Variants in PTPRG observed in about 807,000 individuals in gnomAD.
PTPRG encodes the protein receptor-type tyrosine-protein phosphatase gamma.
Under a neutral mutation model 165.3 loss-of-function variants are expected in PTPRG, and 102 were observed. The observed-to-expected ratio is 0.62, with a 90% CI of 0.53 to 0.73. PTPRG has a LOEUF of 0.73. PTPRG is among the 30% of genes least tolerant of loss of function. The pLI is 0.00. For synonymous variants in PTPRG, 675 were observed against 669.5 expected (o/e 1.01, Z -0.13); for missense variants, 1,866 against 1,861.4 (o/e 1.00, Z -0.05).
At chr3:61,742,467 C>T (rs1166377993) in intron 1 of PTPRG, 4 of 1,574,658 alleles carry the variant, frequency 2.5e-6, no homozygotes, top group Non-Finnish European at 2.6e-6. Flanking sequence ...AATATAGGCG[C>T]TGGGGCTTGC....
In PTPRG at chr3:61,946,941, C is replaced by T. The variant is rs189647425; in HGVS notation, c.191-42684C>T. ...GACATGGTATGATGAGAAATGACAG[C>T]TCTTATTAAAAGGAAGAGTGTTCTG... On this transcript the variant is annotated intron_variant, in intron 2 of 29. Coordinates refer to ENST00000474889, the MANE Select transcript of PTPRG (RefSeq NM_002841.4). 9.9e-5 allele frequency among the ~76,000 whole-genome samples: 15 copies of T among 152,238 alleles called. No individual in the cohort carries two copies. The East Asian group carries it at 2.3e-3, about 24-fold the overall frequency.
At chr3:61,598,748 T>C (rs1347241443) in intron 1 of PTPRG, among the ~76,000 whole-genome samples, 3 of 152,016 alleles carry the variant, frequency 2.0e-5, no homozygotes, top group Non-Finnish European at 4.4e-5. Flanking sequence ...AATCTGAGAG[T>C]GTAGGCAGAG....
chr3:61,894,301 C>CCAAAAAAAAAA (rs2038292380), intron 2 of PTPRG, among the ~76,000 whole-genome samples: 1 of 49,838 alleles, frequency 2.0e-5, no homozygotes, highest in Non-Finnish European at 3.6e-5. Flanking sequence ...GACTCTGTGT[C>CCAAAAAAAAAA]AAAAAAAAAA....
intron 2 of PTPRG, among the ~76,000 whole-genome samples, chr3:61,761,586 G>GAAACAAACAAAC (rs58659958): frequency 2.6e-5 from 4 of 151,016 alleles, no homozygotes; most frequent in African/African-American, 4.9e-5. Flanking sequence ...TCAAAACAAA[G>GAAACAAACAAAC]AAACAAACAA....
At chr3:61,696,794 C>T (rs1200293645) in intron 1 of PTPRG, among the ~76,000 whole-genome samples, 3 of 152,168 alleles carry the variant, frequency 2.0e-5, no homozygotes, top group Non-Finnish European at 4.4e-5. Flanking sequence ...GCTATGATAA[C>T]TTACCATACG....
intron 4 of PTPRG, among the ~76,000 whole-genome samples, chr3:62,044,487 T>A (rs1279452088): frequency 6.6e-6 from 1 of 151,582 alleles, no homozygotes; most frequent in Non-Finnish European, 1.5e-5. Flanking sequence ...TGCAGTTAGC[T>A]GAGATCATGC....
At chr3:62,166,248 C>T (rs567270480) in intron 7 of PTPRG, among the ~76,000 whole-genome samples, 8 of 99,426 alleles carry the variant, frequency 8.0e-5, no homozygotes, top group African/African-American at 2.7e-4. Flanking sequence ...ACAAGAATAA[C>T]TTTGTGGCCT....
chr3:62,063,140 G>A (rs1243155873), intron 4 of PTPRG, among the ~76,000 whole-genome samples: 2 of 152,166 alleles, frequency 1.3e-5, no homozygotes, highest in African/African-American at 4.8e-5. Flanking sequence ...CCTGATCTTA[G>A]CACCCGATGA....
chr3:61,863,605 A>G (rs889458825), intron 2 of PTPRG, among the ~76,000 whole-genome samples: 4 of 152,106 alleles, frequency 2.6e-5, no homozygotes, highest in Admixed American at 2.6e-4. Flanking sequence ...CTTATTTGCT[A>G]TGCAAAGCAA....
At chr3:62,101,827 A>T (rs1702298103) in intron 5 of PTPRG, among the ~76,000 whole-genome samples, 1 of 152,250 alleles carries the variant, frequency 6.6e-6, no homozygotes, top group South Asian at 2.1e-4. Flanking sequence ...CTTATTTCCA[A>T]AGTCTTCAAA....
intron 2 of PTPRG, among the ~76,000 whole-genome samples, chr3:61,872,551 G>T (rs768284024): frequency 1.3e-5 from 2 of 152,170 alleles, no homozygotes; most frequent in South Asian, 2.1e-4. Flanking sequence ...AATAAGATGA[G>T]ATAGGTAGTG....
chr3:62,286,452 CAAT>C (rs1702663801), intron 28 of PTPRG, among the ~76,000 whole-genome samples: 1 of 151,574 alleles, frequency 6.6e-6, no homozygotes, highest in African/African-American at 2.4e-5. Context: ...TTAAAAGCTA[CAAT>C]AATAAGTAAA....
intron 2 of PTPRG, among the ~76,000 whole-genome samples, chr3:61,920,321 TGTACATGAATGAGCA>T (rs1252242708): frequency 0.011 from 1,621 of 152,374 alleles, 34 homozygotes; most frequent in South Asian, 0.092. Context: ...TGTCATAGTT[TGTACATGAATGAGCA>T]TCTACTGAGT....
chr3:61,721,066 A>C (rs1354300289), intron 1 of PTPRG, among the ~76,000 whole-genome samples: 1 of 152,162 alleles, frequency 6.6e-6, no homozygotes, highest in Non-Finnish European at 1.5e-5. Context: ...CTTGCCTTTC[A>C]ACTGCATTGT....
rs191712239 is a variant in PTPRG at position 61,945,650 on chromosome 3, G to C, written c.191-43975G>C. Among the ~76,000 whole-genome samples the C allele has an allele frequency of 1.3e-3, 190 of 151,034 alleles. 1 individual carries two copies. The highest frequency in any genetic ancestry group is 2.6e-4 in the Non-Finnish European group (18 of 67,934). On this transcript the variant is annotated intron_variant, in intron 2 of 29. Coordinates refer to ENST00000474889, the MANE Select transcript of PTPRG (RefSeq NM_002841.4). ...GAGTGAACTCATCTGAGCCAGAAAGGATACATCTACAAATTTTTCTGGGAG... is the reference window on the plus strand; with the variant it reads ...GAGTGAACTCATCTGAGCCAGAAAGCATACATCTACAAATTTTTCTGGGAG...
chr3:62,069,123 C>T (rs1042748017), intron 4 of PTPRG, among the ~76,000 whole-genome samples: 1 of 152,178 alleles, frequency 6.6e-6, no homozygotes, highest in Non-Finnish European at 1.5e-5. Context: ...TTAAGTATCC[C>T]TTCTGGTCAT....
intron 7 of PTPRG, 124 bp from the exon 8 acceptor site, chr3:62,167,847 G>A: frequency 2.1e-6 from 2 of 942,004 alleles, no homozygotes; most frequent in East Asian, 2.5e-5. Context: ...CTGGCATTGG[G>A]CACTTCCTAC....
At chr3:62,175,986 A>G (rs928826428) in intron 8 of PTPRG, among the ~76,000 whole-genome samples, 1 of 152,242 alleles carries the variant, frequency 6.6e-6, no homozygotes, top group Non-Finnish European at 1.5e-5. Flanking sequence ...TAAAGAGTTA[A>G]GACTGTTAGG....
intron 1 of PTPRG, among the ~76,000 whole-genome samples, chr3:61,657,169 T>G: frequency 6.6e-6 from 1 of 152,238 alleles, no homozygotes; most frequent in Non-Finnish European, 1.5e-5. Flanking sequence ...GGTAATAAAC[T>G]GTGGGGGTGG....
Sources: gnomAD v4.1 joint callset for allele counts (sites outside exome capture counted in the v4.1 genomes callset) on GRCh38, gnomAD v4.1.1 for gene constraint, MANE v1.5 for transcripts, NCBI Gene and HGNC (gene_info 2026-07-23, HGNC 2026-07-21) for gene names.